EXOC8: variants seen among roughly 807,000 people sequenced by gnomAD.
EXOC8 encodes exocyst complex component 8.
EXOC8 carries 19 observed loss-of-function variants against 50.8 expected under a neutral mutation model. The observed-to-expected ratio is 0.37, with a 90% CI of 0.26 to 0.55. The LOEUF is 0.55. Among genes scored for constraint, EXOC8 ranks in the 20% least tolerant of loss-of-function variants. EXOC8 has a pLI of 0.80. For synonymous variants in EXOC8, 384 were observed against 367.9 expected (o/e 1.04, Z -0.50); for missense variants, 781 against 915.8 (o/e 0.85, Z 1.90).
rs758814951 is a variant in EXOC8 at position 231,337,703 on chromosome 1, G to C, written c.43C>G (p.Arg15Gly). Residue 15 changes from arginine to glycine, a missense_variant, in exon 1 of 1, where the codon CGG (arginine) becomes GGG (glycine). By Grantham distance (125) the Arg-to-Gly change is moderately radical (BLOSUM62 -2). This residue lies in a region of EXOC8 where 700 missense variants were observed against 804.1 expected (regional missense o/e 0.87). Transcript: ENST00000366645. This position sits in a 1 kb window ranked among gnomAD's most constrained non-coding sequence, Gnocchi z 5.9. ...MSDSGASRLR[R>G]QLESGGFEAR... ...TCAAAACCCCCTGACTCCAGCTGCC[G>C]ACGCAGGCGGCTCGCCCCACTGTCC... 9.4e-6 allele frequency: 15 copies of C among 1,603,536 alleles called. No individual in the cohort carries two copies. In the Admixed American group the frequency reaches 1.9e-4, roughly 20 times the overall value.
Position 231,337,169 on chromosome 1 carries a change from C to T in EXOC8, c.577G>A (p.Asp193Asn). 6.2e-7 allele frequency: 1 copy of T among 1,614,162 alleles called. No homozygotes were observed. The highest frequency in any genetic ancestry group is 8.5e-7 in the Non-Finnish European group (1 of 1,180,044). Residue 193 changes from aspartate to asparagine, a missense_variant, in exon 1 of 1, where the codon GAT becomes AAT. This residue lies in a region of EXOC8 where 700 missense variants were observed against 804.1 expected (regional missense o/e 0.87). Coordinates refer to ENST00000366645, the MANE Select transcript of EXOC8 (RefSeq NM_175876.5). This position sits in a 1 kb window ranked among gnomAD's most constrained non-coding sequence, Gnocchi z 5.9. ...LVYNGDLVEY[D>N]ADHMAQLQRV... ...TGCAGTTGGGCCATGTGGTCCGCAT[C>T]GTATTCCACTAGGTCCCCATTGTAC...
rs1220575616 is a variant in EXOC8, at chr1:231,333,646, A to G, written c.*1922T>C. 1 of 152,680 alleles carries G rather than the reference A, an allele frequency of 6.5e-6. No homozygotes were observed. Among genetic ancestry groups the G allele is most frequent in the Admixed American group, 6.5e-5 (1 of 15,284 alleles). The allele number at this position is 152,680 out of a possible 1,614,324, so 9.5% of individuals were successfully genotyped here. A position where few individuals can be genotyped will look rare whatever the true frequency, so the allele number is the denominator to read the frequency against. ...TCCAGTGATCTTAAAAAGACAAATT[A>G]TAACCGCCTTTGCTCAGCTAAGATA... is the stretch of plus-strand genomic sequence containing the variant. On this transcript the variant is annotated 3_prime_UTR_variant, in exon 1 of 1. Coordinates refer to ENST00000366645, the MANE Select transcript of EXOC8 (RefSeq NM_175876.5).
rs1471374285 is a variant in EXOC8, at chr1:231,333,310, CCCATACTAATTGACTCA to C, written c.*2241_*2257del. 1.3e-5 allele frequency: 2 copies of C among 152,110 alleles called. No homozygotes were observed. Among genetic ancestry groups the C allele is most frequent in the Non-Finnish European group, 2.9e-5 (2 of 68,020 alleles). 9.4% of individuals were successfully genotyped at this position (152,110 alleles called of 1,614,324 possible). ...AACACTGGGGGTCTTTAGTCAAGTT[CCCATACTAATTGACTCA>C]CCAAAGCATACTTCCTTCAGCTACA... is the stretch of plus-strand genomic sequence containing the variant. On this transcript the variant is annotated 3_prime_UTR_variant, in exon 1 of 1. Coordinates refer to ENST00000366645, the MANE Select transcript of EXOC8 (RefSeq NM_175876.5).
At position 231,337,425 on chromosome 1, in the gene EXOC8, A is replaced by T. The variant is rs148411233; in HGVS notation, c.321T>A (p.Pro107=). Residue 107 remains proline, a synonymous_variant, in exon 1 of 1, where the codon CCT becomes CCA. Coordinates refer to ENST00000366645, the MANE Select transcript of EXOC8 (RefSeq NM_175876.5). The surrounding 1 kb of genome is among the most constrained non-coding windows in gnomAD (Gnocchi z 5.9). ...CGGCGGCTCCGGCGGCAGCAGCGGC[A>T]GGCAGCAACGTAAGCGGGATGCTCT... ...SLESIPLTLL[P]AAAAAGAAAA... 129 of 1,608,116 alleles carry T rather than the reference A, an allele frequency of 8.0e-5. 3 individuals carry two copies. In the African/African-American group the frequency reaches 8.8e-4, roughly 11 times the overall value.
At position 231,337,382 on chromosome 1, in the gene EXOC8, C is replaced by G. The variant is rs1012596609; in HGVS notation, c.364G>C (p.Glu122Gln). Residue 122 changes from glutamate (E) to glutamine (Q), a missense_variant, in exon 1 of 1, where the codon GAG becomes CAG. Around this residue, in one of 3 missense-constraint regions of EXOC8, gnomAD observed 700 missense variants for 804.1 expected, o/e 0.87. Coordinates refer to ENST00000366645, the MANE Select transcript of EXOC8 (RefSeq NM_175876.5). The surrounding 1 kb of genome is among the most constrained non-coding windows in gnomAD (Gnocchi z 5.9). ...AGAAAASGGE[E>Q]GVGGAGGRDH... is the part of the protein sequence containing the mutation. ...CGGCCCCCCGCCCCACCGACTCCCT[C>G]CTCCCCTCCAGAGGCGGCGGCGGCT... 28 of 1,603,798 alleles carry G rather than the reference C, an allele frequency of 1.7e-5. No homozygotes were observed. Among genetic ancestry groups the G allele is most frequent in the Non-Finnish European group, 2.4e-5 (28 of 1,179,604 alleles).
Position 231,334,128 on chromosome 1 carries a change from A to T in EXOC8, c.*1440T>A, listed in dbSNP as rs1030347893. 1 of 152,258 alleles carries T rather than the reference A, an allele frequency of 6.6e-6. No individual in the cohort carries two copies. The highest frequency in any genetic ancestry group is 1.5e-5 in the Non-Finnish European group (1 of 68,048). 9.4% of individuals were successfully genotyped at this position (152,258 alleles called of 1,614,324 possible). On this transcript the variant is annotated 3_prime_UTR_variant, in exon 1 of 1. Transcript: ENST00000366645. ...TACTAAACAATTTGAAGTAAGCATT[A>T]TATTCATGTTTAAAAACAAAGCAAG...
rs760494680 is a variant in EXOC8 at position 231,336,623 on chromosome 1, G to A, written c.1123C>T (p.Pro375Ser). The A allele has an allele frequency of 6.2e-7, 1 of 1,614,154 alleles. No homozygotes were observed. The highest frequency in any genetic ancestry group is 1.1e-5 in the South Asian group (1 of 91,090). ...HYLEDKPSPPPVKELRAKVEE... is the reference protein window; with the variant it reads ...HYLEDKPSPPSVKELRAKVEE... ...ACTTTGGCCCTTAGTTCTTTTACAG[G>A]AGGTGGGCTAGGTTTATCTTCCAGG... is the stretch of plus-strand genomic sequence containing the variant. Residue 375 changes from proline (P) to serine (S), a missense_variant, in exon 1 of 1, where the codon CCT (proline) becomes TCT (serine). By Grantham distance (74) the Pro-to-Ser change is moderately conservative. Transcript: ENST00000366645. This position sits in a 1 kb window ranked among gnomAD's most constrained non-coding sequence, Gnocchi z 5.4.
rs374787235 is a variant in EXOC8 at position 231,337,179 on chromosome 1, T to C, written c.567A>G (p.Leu189=). The change falls in exon 1 of 1, where the codon CTA becomes CTG. Residue 189 remains leucine (L), a synonymous_variant. Coordinates refer to ENST00000366645, the MANE Select transcript of EXOC8 (RefSeq NM_175876.5). The surrounding 1 kb of genome is among the most constrained non-coding windows in gnomAD (Gnocchi z 5.9). ...PGQYLVYNGD[L]VEYDADHMAQ... ...CCATGTGGTCCGCATCGTATTCCAC[T>C]AGGTCCCCATTGTACACCAAGTACT... The C allele has an allele frequency of 1.2e-6, 2 of 1,614,116 alleles. No homozygotes were observed. The highest frequency in any genetic ancestry group is 3.3e-5 in the Admixed American group (2 of 60,028).
rs1281496879 is a variant in EXOC8, at chr1:231,332,784, T to C, written c.*2784A>G. ...GTAAGACAATTTTTAAGCTTTATTTTTATGAAACATTTCAGATTCCCTCAT... is the reference window on the plus strand; with the variant it reads ...GTAAGACAATTTTTAAGCTTTATTTCTATGAAACATTTCAGATTCCCTCAT... On this transcript the variant is annotated 3_prime_UTR_variant, in exon 1 of 1. Transcript: ENST00000366645. 1 of 152,202 alleles carries C rather than the reference T, an allele frequency of 6.6e-6. No homozygotes were observed. The highest frequency in any genetic ancestry group is 1.5e-5 in the Non-Finnish European group (1 of 68,040). The allele number at this position is 152,202 out of a possible 1,614,324, so 9.4% of individuals were successfully genotyped here. A position where few individuals can be genotyped will look rare whatever the true frequency, so the allele number is the denominator to read the frequency against.
chr1:231,335,532 T>C lies in EXOC8; in HGVS notation c.*36A>G. On this transcript the variant is annotated 3_prime_UTR_variant, in exon 1 of 1. Transcript: ENST00000366645. ...AAATATAAATAATATATAAGCTCTC[T>C]CTCTGCATATATACACATATAAACA... 1 of 1,480,604 alleles carries C rather than the reference T, an allele frequency of 6.8e-7. No homozygotes were observed. Among genetic ancestry groups the C allele is most frequent in the Non-Finnish European group, 9.0e-7 (1 of 1,115,848 alleles). 91.7% of individuals were successfully genotyped at this position (1,480,604 alleles called of 1,614,324 possible).
rs1686713002 is a variant in EXOC8, at chr1:231,337,616, G to A, written c.130C>T (p.His44Tyr). ...GCCAGCGCCTGGATGCGCTGCCGGT[G>A]CTCCTGGAGGTCCCGGTCCCCATCC... is the stretch of plus-strand genomic sequence containing the variant. The part of the protein sequence containing the change: ...QSDGDRDLQE[H>Y]RQRIQALAEE... Residue 44 changes from histidine (H) to tyrosine (Y), a missense_variant, in exon 1 of 1, where the codon CAC becomes TAC. His to Tyr is a moderately conservative substitution (Grantham distance 83). Around this residue, in one of 3 missense-constraint regions of EXOC8, gnomAD observed 700 missense variants for 804.1 expected, o/e 0.87. Transcript: ENST00000366645. The surrounding 1 kb of genome is among the most constrained non-coding windows in gnomAD (Gnocchi z 5.9). The A allele has an allele frequency of 6.2e-7, 1 of 1,611,922 alleles. No homozygotes were observed. Among genetic ancestry groups the A allele is most frequent in the Non-Finnish European group, 8.5e-7 (1 of 1,179,998 alleles).
chr1:231,336,762 C>T lies in EXOC8; in HGVS notation c.984G>A (p.Glu328=). The T allele has an allele frequency of 6.2e-7, 1 of 1,614,218 alleles. No homozygotes were observed. Among genetic ancestry groups the T allele is most frequent in the Non-Finnish European group, 8.5e-7 (1 of 1,180,050 alleles). ...TCCATTCCATGGAGAGGTCCACCTT[C>T]TCTTCCTCTACCTCAGGAACAGCTG... ...EEPAVPEVEE[E]KVDLSMEWIQ... The change falls in exon 1 of 1, where the codon GAG becomes GAA. Residue 328 remains glutamate, a synonymous_variant. Coordinates refer to ENST00000366645, the MANE Select transcript of EXOC8 (RefSeq NM_175876.5). The surrounding 1 kb of genome is among the most constrained non-coding windows in gnomAD (Gnocchi z 5.4).
In EXOC8 at chr1:231,337,413, G is replaced by C. The variant is rs756335359; in HGVS notation, c.333C>G (p.Ala111=). ...IPLTLLPAAA[A]AGAAAASGGE... is the part of the protein sequence containing the mutation. ...CTCCAGAGGCGGCGGCGGCTCCGGC[G>C]GCAGCAGCGGCAGGCAGCAACGTAA... Residue 111 remains alanine, a synonymous_variant, in exon 1 of 1, where the codon GCC becomes GCG. Transcript: ENST00000366645. This position sits in a 1 kb window ranked among gnomAD's most constrained non-coding sequence, Gnocchi z 5.9. The C allele has an allele frequency of 4.4e-6, 7 of 1,605,906 alleles. No individual in the cohort carries two copies. Among genetic ancestry groups the C allele is most frequent in the Non-Finnish European group, 5.9e-6 (7 of 1,179,574 alleles).
Position 231,337,258 on chromosome 1 carries a change from G to A in EXOC8, c.488C>T (p.Thr163Ile). The A allele has an allele frequency of 1.2e-6, 2 of 1,610,536 alleles. No homozygotes were observed. Among genetic ancestry groups the A allele is most frequent in the South Asian group, 2.2e-5 (2 of 91,082 alleles). The change falls in exon 1 of 1, where the codon ACC (threonine) becomes ATC (isoleucine). Residue 163 changes from threonine (T) to isoleucine (I), a missense_variant. Physicochemically the swap from Thr to Ile is moderately conservative, Grantham distance 89. This residue lies in a region of EXOC8 where 700 missense variants were observed against 804.1 expected (regional missense o/e 0.87). Transcript: ENST00000366645. This position sits in a 1 kb window ranked among gnomAD's most constrained non-coding sequence, Gnocchi z 5.9. ...GCCTTCCACCTTCTCAAGCAGGGTG[G>A]TGAGAGTGCGCTGCTTTCCTTCCTC... Reference protein sequence around the residue: ...PGEEGKQRTLTTLLEKVEGCR... With the variant: ...PGEEGKQRTLITLLEKVEGCR...
rs769042067 is a variant in EXOC8 at position 231,337,223 on chromosome 1, G to A, written c.523C>T (p.Leu175=). 3 of 1,613,452 alleles carry A rather than the reference G, an allele frequency of 1.9e-6. No individual in the cohort carries two copies. The highest frequency in any genetic ancestry group is 3.3e-5 in the Admixed American group (2 of 59,994). ...LLEKVEGCRH[L]LETPGQYLVY... ...AAGTACTGTCCCGGCGTCTCCAGCA[G>A]ATGCCTGCAGCCTTCCACCTTCTCA... Residue 175 remains leucine, a synonymous_variant, in exon 1 of 1, where the codon CTG becomes TTG. Transcript: ENST00000366645. The surrounding 1 kb of genome is among the most constrained non-coding windows in gnomAD (Gnocchi z 5.9).
Position 231,337,799 on chromosome 1 carries a change from G to A in EXOC8, c.-54C>T. On this transcript the variant is annotated 5_prime_UTR_variant, in exon 1 of 1. Coordinates refer to ENST00000366645, the MANE Select transcript of EXOC8 (RefSeq NM_175876.5). The surrounding 1 kb of genome is among the most constrained non-coding windows in gnomAD (Gnocchi z 5.9). ...CACTATCGGCGCCGCAGCCGCCGCG[G>A]CTGTCTAGACCCACCCAAGGCCAAC... is the stretch of plus-strand genomic sequence containing the variant. 1.9e-6 allele frequency: 3 copies of A among 1,539,478 alleles called. No homozygotes were observed. Among genetic ancestry groups the A allele is most frequent in the South Asian group, 1.3e-5 (1 of 78,848 alleles).
rs1379094351 is a variant in EXOC8 at position 231,334,969 on chromosome 1, C to CGA, written c.*598_*599insTC. On this transcript the variant is annotated 3_prime_UTR_variant, in exon 1 of 1. Transcript: ENST00000366645. ...ACTGGGAAACTTCACAACATAAACT[C>CGA]TATGTATTTATAGATATTATGACTG... The CGA allele has an allele frequency of 6.6e-6, 1 of 151,628 alleles. No homozygotes were observed. The highest frequency in any genetic ancestry group is 1.5e-5 in the Non-Finnish European group (1 of 67,982). The allele number at this position is 151,628 out of a possible 1,614,324, so 9.4% of individuals were successfully genotyped here. A position where few individuals can be genotyped will look rare whatever the true frequency, so the allele number is the denominator to read the frequency against.
At position 231,336,782 on chromosome 1, in the gene EXOC8, C is replaced by T. The variant is rs1347888625; in HGVS notation, c.964G>A (p.Val322Ile). ...ACCTTCTCTTCCTCTACCTCAGGAA[C>T]AGCTGGTTCTTCTTCTTCGTCATCC... ...FEDDEEEEPA[V>I]PEVEEEKVDL... is the part of the protein sequence containing the mutation. Residue 322 changes from valine (V) to isoleucine (I), a missense_variant, in exon 1 of 1, where the codon GTT (valine) becomes ATT (isoleucine). This residue lies in a region of EXOC8 where 700 missense variants were observed against 804.1 expected (regional missense o/e 0.87). Coordinates refer to ENST00000366645, the MANE Select transcript of EXOC8 (RefSeq NM_175876.5). The surrounding 1 kb of genome is among the most constrained non-coding windows in gnomAD (Gnocchi z 5.4). 2 of 1,614,060 alleles carry T rather than the reference C, an allele frequency of 1.2e-6. No homozygotes were observed. The highest frequency in any genetic ancestry group is 2.7e-5 in the African/African-American group (2 of 74,916).
In EXOC8 at chr1:231,337,771, T is replaced by C. The variant is rs764005821; in HGVS notation, c.-26A>G. ...TTCTCTCCGGGTCTCACGCACTCAC[T>C]GTCACTATCGGCGCCGCAGCCGCCG... is the stretch of plus-strand genomic sequence containing the variant. On this transcript the variant is annotated 5_prime_UTR_variant, in exon 1 of 1. Coordinates refer to ENST00000366645, the MANE Select transcript of EXOC8 (RefSeq NM_175876.5). The surrounding 1 kb of genome is among the most constrained non-coding windows in gnomAD (Gnocchi z 5.9). 41 of 1,558,352 alleles carry C rather than the reference T, an allele frequency of 2.6e-5. No homozygotes were observed. The highest frequency in any genetic ancestry group is 1.7e-4 in the Middle Eastern group (1 of 5,800).
Sources: gnomAD v4.1 joint callset for allele counts on GRCh38, gnomAD v4.1.1 for gene constraint, gnomAD v4.1.1 regional missense constraint, Gnocchi (gnomAD v3.1) non-coding constraint, MANE v1.5 for transcripts, NCBI Gene and HGNC (gene_info 2026-07-23, HGNC 2026-07-21) for gene names.